The following KIF20B variants were observed in gnomAD, a reference collection of about 807,000 sequenced individuals.
The protein encoded by KIF20B is kinesin-like protein KIF20B.
A neutral mutation model predicts 232.5 loss-of-function variants in KIF20B; 188 were observed. The observed-to-expected ratio is 0.81, with a 90% CI of 0.72 to 0.91. The LOEUF is 0.91. Among genes scored for constraint, KIF20B ranks in the 40% least tolerant of loss-of-function variants. KIF20B has a pLI of 0.00. For synonymous variants in KIF20B, 712 were observed against 683.0 expected (o/e 1.04, Z -0.66); for missense variants, 2,154 against 2,055.9 (o/e 1.05, Z -0.92).
Position 89,767,832 on chromosome 10 carries a change from T to G in KIF20B, c.4990-458T>G, listed in dbSNP as rs143216132. Among the ~76,000 whole-genome samples, 457 of 152,190 alleles carry G rather than the reference T, an allele frequency of 3.0e-3. 3 individuals are homozygous for G. The highest frequency in any genetic ancestry group is 0.01 in the African/African-American group (428 of 41,540). On this transcript the variant is annotated intron_variant, in intron 29 of 32. Transcript: ENST00000371728. Reference sequence around the variant, plus strand: ...CATAGATGCTTGTATTATTTGGGAGTTAGGCAATAGGTAGGTATATTGTAT... The same window carrying G: ...CATAGATGCTTGTATTATTTGGGAGGTAGGCAATAGGTAGGTATATTGTAT...
intron 20 of KIF20B, 54 bp downstream of exon 20, chr10:89,738,671 T>A: frequency 2.0e-6 from 3 of 1,483,758 alleles, no homozygotes; most frequent in Non-Finnish European, 2.7e-6. Context: ...TTCATTTTGC[T>A]ATGCAGCTTT....
At position 89,710,058 on chromosome 10, in the gene KIF20B, A is replaced by G; in HGVS notation, c.483A>G (p.Thr161=). 1.2e-6 allele frequency: 2 copies of G among 1,600,352 alleles called. No homozygotes were observed. Among genetic ancestry groups the G allele is most frequent in the African/African-American group, 1.4e-5 (1 of 74,048 alleles). The change falls in exon 5 of 33, where the codon ACA becomes ACG. Residue 161 remains threonine (T), a synonymous_variant. Coordinates refer to ENST00000371728, the MANE Select transcript of KIF20B (RefSeq NM_001284259.2). ...TAACCAATTCAGGAAAAACATATAC[A>G]TTTCAAGGTAAATATTGTTTTATTT... ...YGLTNSGKTY[T]FQGTEENIGI... is the part of the protein sequence containing the mutation.
intron 28 of KIF20B, among the ~76,000 whole-genome samples, chr10:89,761,470 A>G (rs1842237345): frequency 7.3e-6 from 1 of 137,700 alleles, no homozygotes; most frequent in African/African-American, 2.9e-5. Context: ...AATGAGAAGG[A>G]AAAGTCTTAA....
intron 6 of KIF20B, among the ~76,000 whole-genome samples, chr10:89,713,086 A>G (rs1411487163): frequency 6.6e-6 from 1 of 152,188 alleles, no homozygotes; most frequent in Non-Finnish European, 1.5e-5. Flanking sequence ...TTCACTGGGC[A>G]TGGTGGTTCA....
intron 23 of KIF20B, among the ~76,000 whole-genome samples, 187 bp downstream of exon 23, chr10:89,746,146 G>A (rs1360954044): frequency 6.6e-6 from 1 of 152,208 alleles, no homozygotes; most frequent in Admixed American, 6.5e-5. Flanking sequence ...AGTGTTTACA[G>A]CTCCTGAAGG....
At chr10:89,723,381 T>C (rs904385244) in intron 13 of KIF20B, among the ~76,000 whole-genome samples, 21 of 139,316 alleles carry the variant, frequency 1.5e-4, no homozygotes, top group Non-Finnish European at 1.7e-4. Context: ...TTCATGATTA[T>C]GTATGTGTTT....
At chr10:89,763,867 G>T (rs554412849) in intron 29 of KIF20B, among the ~76,000 whole-genome samples, 2 of 145,864 alleles carry the variant, frequency 1.4e-5, no homozygotes, top group African/African-American at 4.9e-5. Flanking sequence ...TTTATTAATA[G>T]TATTATTTAT....
chr10:89,751,028 A>G (rs966539721), intron 23 of KIF20B, among the ~76,000 whole-genome samples: 4 of 150,194 alleles, frequency 2.7e-5, no homozygotes, highest in Admixed American at 1.3e-4. Context: ...TTATGTTCAT[A>G]GTAATAGTTA....
rs1298110902 is a variant in KIF20B at position 89,738,262 on chromosome 10, C to G, written c.3421C>G (p.His1141Asp). 1 of 1,609,978 alleles carries G rather than the reference C, an allele frequency of 6.2e-7. No homozygotes were observed. The highest frequency in any genetic ancestry group is 8.5e-7 in the Non-Finnish European group (1 of 1,178,552). The change falls in exon 20 of 33, where the codon CAT (histidine) becomes GAT (aspartate). Residue 1141 changes from histidine to aspartate, a missense_variant. Transcript: ENST00000371728. ...KNVTLDVQIQ[H>D]VVEGKRALSE... Reference sequence around the variant, plus strand: ...TGTTACTCTTGATGTTCAAATACAGCATGTAGTTGAAGGAAAGAGAGCGCT... The same window carrying G: ...TGTTACTCTTGATGTTCAAATACAGGATGTAGTTGAAGGAAAGAGAGCGCT...
chr10:89,719,868 A>G (rs989601488), intron 13 of KIF20B, among the ~76,000 whole-genome samples, 162 bp downstream of exon 13: 1 of 152,180 alleles, frequency 6.6e-6, no homozygotes, highest in Non-Finnish European at 1.5e-5. Context: ...GACTAGTACA[A>G]TGAATACTCA....
chr10:89,718,592 A>T, intron 11 of KIF20B, 118 bp from the exon 12 acceptor site: 1 of 739,486 alleles, frequency 1.4e-6, no homozygotes, highest in Non-Finnish European at 2.3e-6. Context: ...ACTAATCACT[A>T]CCCTAAAGTT....
At chr10:89,713,407 T>A (rs2133089468) in intron 6 of KIF20B, among the ~76,000 whole-genome samples, 1 of 148,082 alleles carries the variant, frequency 6.8e-6, no homozygotes, top group Admixed American at 6.7e-5. Context: ...TAAAACATGA[T>A]ACTGTTTTGC....
rs2133142223 is a variant in KIF20B, at chr10:89,745,934, A to G, written c.4071A>G (p.Ile1357Met). The G allele has an allele frequency of 6.2e-7, 1 of 1,611,572 alleles. No individual in the cohort carries two copies. The highest frequency in any genetic ancestry group is 1.3e-5 in the African/African-American group (1 of 75,006). ...ATAATCAGAAAGTGGAAGAAGCTATACAACAGTATGAGAGAGCATGCAAAG... is the reference window on the plus strand; with the variant it reads ...ATAATCAGAAAGTGGAAGAAGCTATGCAACAGTATGAGAGAGCATGCAAAG... ...QLNNQKVEEA[I>M]QQYERACKDL... Residue 1357 changes from isoleucine (I) to methionine (M), a missense_variant, in exon 23 of 33, where the codon ATA becomes ATG. Coordinates refer to ENST00000371728, the MANE Select transcript of KIF20B (RefSeq NM_001284259.2).
chr10:89,726,379 T>A lies in KIF20B; in HGVS notation c.2088T>A (p.Ala696=). Residue 696 remains alanine, a synonymous_variant, in exon 16 of 33, where the codon GCT becomes GCA. Transcript: ENST00000371728. ...VADIKKQAEI[A]HLYIASLPDP... ...ATATTAAGAAACAGGCTGAAATTGC[T>A]CACTTATATATTGCATCTCTTCCTG... 1 of 1,568,942 alleles carries A rather than the reference T, an allele frequency of 6.4e-7. No individual in the cohort carries two copies. The highest frequency in any genetic ancestry group is 8.7e-7 in the Non-Finnish European group (1 of 1,154,768).
Position 89,714,929 on chromosome 10 carries a change from GT to G in KIF20B, c.713-20del, listed in dbSNP as rs373004927. On this transcript the variant is annotated intron_variant, in intron 7 of 32. Transcript: ENST00000371728. ...TAGTCAGTTGCTTACTTTCGTGATT[GT>G]TTTTTCTTTTTCTTTTTTTTGTAGG... 1.5e-4 allele frequency: 205 copies of G among 1,369,362 alleles called. No homozygotes were observed. In the African/African-American group the frequency reaches 2.8e-3, roughly 19 times the overall value. The allele number at this position is 1,369,362 out of a possible 1,614,324, so 84.8% of individuals were successfully genotyped here.
At chr10:89,717,780 A>C in intron 11 of KIF20B, 58 bp downstream of exon 11, 1 of 1,298,090 alleles carries the variant, frequency 7.7e-7, no homozygotes, top group Non-Finnish European at 1.1e-6. Flanking sequence ...TAAACTTTCA[A>C]CTTTTTTGTT....
intron 24 of KIF20B, among the ~76,000 whole-genome samples, 195 bp from the exon 25 acceptor site, chr10:89,752,372 C>T (rs956436218): frequency 1.3e-5 from 2 of 152,010 alleles, no homozygotes; most frequent in African/African-American, 4.8e-5. Context: ...CCTGAGAAGT[C>T]CCTGTAGTTC....
At position 89,762,803 on chromosome 10, in the gene KIF20B, G is replaced by A; in HGVS notation, c.4957G>A (p.Ala1653Thr). The A allele has an allele frequency of 1.2e-6, 2 of 1,612,784 alleles. No homozygotes were observed. The highest frequency in any genetic ancestry group is 1.7e-6 in the Non-Finnish European group (2 of 1,179,116). ...TTPVTVKIPK[A>T]RKRKSNEMEE... ...ACCAGTGACAGTTAAGATTCCCAAG[G>A]CTCGGAAGAGGAAGAGTAATGAAAT... The change falls in exon 29 of 33, where the codon GCT (alanine) becomes ACT (threonine). Residue 1653 changes from alanine (A) to threonine (T), a missense_variant. Coordinates refer to ENST00000371728, the MANE Select transcript of KIF20B (RefSeq NM_001284259.2).
chr10:89,736,457 T>C (rs1342084882), intron 19 of KIF20B, among the ~76,000 whole-genome samples: 1 of 152,128 alleles, frequency 6.6e-6, no homozygotes, highest in Admixed American at 6.5e-5. Flanking sequence ...TAGCTAATAG[T>C]GTATCTGTTC....
Sources: gnomAD v4.1 joint callset for allele counts (sites outside exome capture counted in the v4.1 genomes callset) on GRCh38, gnomAD v4.1.1 for gene constraint, MANE v1.5 for transcripts, NCBI Gene and HGNC (gene_info 2026-07-23, HGNC 2026-07-21) for gene names.